Variants in ACSS3 observed in about 807,000 individuals in gnomAD.
ACSS3 encodes acyl-CoA synthetase short-chain family member 3, mitochondrial.
In ACSS3, 64 loss-of-function variants were observed where a neutral mutation model predicts 84.2. The observed-to-expected ratio is 0.76, with a 90% CI of 0.62 to 0.94. The LOEUF is 0.94. Among genes scored for constraint, ACSS3 ranks in the 40% least tolerant of loss-of-function variants. ACSS3 has a pLI of 0.00. For missense variants in ACSS3, 815 were observed against 867.6 expected (o/e 0.94, Z 0.76); for synonymous variants, 317 against 310.1 (o/e 1.02, Z -0.23).
chr12:81,184,350 CAAAT>C (rs2031126399), intron 8 of ACSS3, among the ~76,000 whole-genome samples: 1 of 151,718 alleles, frequency 6.6e-6, no homozygotes, highest in Non-Finnish European at 1.5e-5. Context: ...AGAAAGACCC[CAAAT>C]AAATATTCTA....
intron 10 of ACSS3, among the ~76,000 whole-genome samples, chr12:81,219,707 T>C (rs2033038325): frequency 6.6e-6 from 1 of 152,134 alleles, no homozygotes; most frequent in African/African-American, 2.4e-5. Context: ...TTTTTAATGC[T>C]TCTAATAGAT....
chr12:81,121,626 A>C (rs2121544911), intron 2 of ACSS3, among the ~76,000 whole-genome samples: 1 of 152,230 alleles, frequency 6.6e-6, no homozygotes, highest in African/African-American at 2.4e-5. Context: ...CACAAAGCTA[A>C]TCAAGCTCAA....
chr12:81,141,260 T>C (rs1886079146), intron 4 of ACSS3, among the ~76,000 whole-genome samples: 1 of 152,228 alleles, frequency 6.6e-6, no homozygotes, highest in African/African-American at 2.4e-5. Flanking sequence ...TAGAAATCTC[T>C]TGTTCTTTCT....
At position 81,133,607 on chromosome 12, in the gene ACSS3, T is replaced by C. The variant is rs1187181762; in HGVS notation, c.457-1209T>C. 3.3e-5 allele frequency among the ~76,000 whole-genome samples: 5 copies of C among 152,252 alleles called. No homozygotes were observed. In the East Asian group the frequency reaches 9.7e-4, roughly 29 times the overall value. On this transcript the variant is annotated intron_variant, in intron 2 of 15. Coordinates refer to ENST00000548058, the MANE Select transcript of ACSS3 (RefSeq NM_024560.4). ...CATGTCTTACAAAACTGTTGCTTTC[T>C]TAGTGAGCTCCCGGTGAGAATTACA... is the stretch of plus-strand genomic sequence containing the variant.
intron 13 of ACSS3, among the ~76,000 whole-genome samples, chr12:81,251,414 C>T (rs142298752): frequency 1.3e-5 from 2 of 152,112 alleles, no homozygotes; most frequent in Admixed American, 1.3e-4. Context: ...TCATCAGTTA[C>T]AACAAATGTA....
chr12:81,143,144 G>T lies in ACSS3; in HGVS notation c.818G>T (p.Trp273Leu), dbSNP rs769307140. ...TTGGCTCCCGGTCGTGACCTTGATT[G>T]GGATGAAGAGATGGCAAAAGCCCAG... ...VPLAPGRDLD[W>L]DEEMAKAQSH... The change falls in exon 5 of 16, where the codon TGG becomes TTG. Residue 273 changes from tryptophan (W) to leucine (L), a missense_variant. Physicochemically the swap from Trp to Leu is moderately conservative, Grantham distance 61. Coordinates refer to ENST00000548058, the MANE Select transcript of ACSS3 (RefSeq NM_024560.4). 1.2e-6 allele frequency: 2 copies of T among 1,613,578 alleles called. No homozygotes were observed. The highest frequency in any genetic ancestry group is 1.7e-6 in the Non-Finnish European group (2 of 1,179,720).
Position 81,139,203 on chromosome 12 carries a change from G to A in ACSS3, c.718G>A (p.Glu240Lys), listed in dbSNP as rs2121575826. 1 of 1,613,958 alleles carries A rather than the reference G, an allele frequency of 6.2e-7. No homozygotes were observed. ...RRVEYVPLVE[E>K]ALKIGQHKPD... is the part of the protein sequence containing the mutation. Reference sequence around the variant, plus strand: ...GGTAGAGTACGTACCACTTGTAGAAGAAGCGCTAAAAATAGGACAACACAA... The same window carrying A: ...GGTAGAGTACGTACCACTTGTAGAAAAAGCGCTAAAAATAGGACAACACAA... The change falls in exon 4 of 16, where the codon GAA (glutamate) becomes AAA (lysine). Residue 240 changes from glutamate (E) to lysine (K), a missense_variant. Physicochemically the swap from Glu to Lys is moderately conservative, Grantham distance 56. Transcript: ENST00000548058.
At chr12:81,127,839 T>C (rs910812007) in intron 2 of ACSS3, among the ~76,000 whole-genome samples, 4 of 152,178 alleles carry the variant, frequency 2.6e-5, no homozygotes, top group Admixed American at 2.6e-4. Context: ...TTGCTATTTG[T>C]GAAGCAAGTG....
In ACSS3 at chr12:81,081,200, A is replaced by G. The variant is rs113520103; in HGVS notation, c.311+2769A>G. On this transcript the variant is annotated intron_variant, in intron 1 of 15. Coordinates refer to ENST00000548058, the MANE Select transcript of ACSS3 (RefSeq NM_024560.4). ...TGCATATTAGCTTTCACAATGACAT[A>G]AGCTGTGCAATATTCTATGCATGCA... Among the ~76,000 whole-genome samples the G allele has an allele frequency of 5.2e-3, 787 of 152,336 alleles. 4 individuals are homozygous for G. Among genetic ancestry groups the G allele is most frequent in the African/African-American group, 0.014 (571 of 41,578 alleles).
At chr12:81,199,928 T>A (rs2032025191) in intron 9 of ACSS3, 1 of 265,630 alleles carries the variant, frequency 3.8e-6, no homozygotes, top group African/African-American at 2.3e-5. Flanking sequence ...TAGGACTCTC[T>A]GGCCACCTTC....
At chr12:81,123,400 C>T (rs576116917) in intron 2 of ACSS3, among the ~76,000 whole-genome samples, 94 of 152,220 alleles carry the variant, frequency 6.2e-4, no homozygotes, top group African/African-American at 2.1e-3. Flanking sequence ...TTAAACCTCT[C>T]GTATTCTTAT....
At chr12:81,219,739 C>T (rs111795022) in intron 10 of ACSS3, among the ~76,000 whole-genome samples, 37 of 151,976 alleles carry the variant, frequency 2.4e-4, no homozygotes, top group African/African-American at 8.7e-4. Flanking sequence ...ATTTAGTGGA[C>T]ATAGACATAG....
chr12:81,186,511 G>A (rs772680056), intron 8 of ACSS3, among the ~76,000 whole-genome samples: 1 of 151,660 alleles, frequency 6.6e-6, no homozygotes, highest in Admixed American at 6.6e-5. Context: ...CAGTTCAATC[G>A]TGGAAAAACT....
intron 4 of ACSS3, among the ~76,000 whole-genome samples, chr12:81,140,900 T>G (rs1348710303): frequency 6.6e-6 from 1 of 152,186 alleles, no homozygotes; most frequent in Non-Finnish European, 1.5e-5. Flanking sequence ...CTAGGCCCAA[T>G]GCTAAGTACT....
At chr12:81,251,730 C>CTGT (rs905532333) in intron 13 of ACSS3, among the ~76,000 whole-genome samples, 2 of 151,046 alleles carry the variant, frequency 1.3e-5, no homozygotes, top group African/African-American at 4.9e-5. Flanking sequence ...GTAGAACCAG[C>CTGT]TGTTGAAGAG....
At chr12:81,233,127 A>C (rs959973358) in intron 12 of ACSS3, among the ~76,000 whole-genome samples, 1 of 151,822 alleles carries the variant, frequency 6.6e-6, no homozygotes, top group Admixed American at 6.6e-5. Context: ...ACACTTAAAC[A>C]TTTCTAAAAA....
intron 7 of ACSS3, among the ~76,000 whole-genome samples, chr12:81,155,767 C>T (rs1593137266): frequency 6.6e-6 from 1 of 152,254 alleles, no homozygotes; most frequent in East Asian, 1.9e-4. Flanking sequence ...GTTTTGGCTT[C>T]TGATATGATG....
intron 9 of ACSS3, among the ~76,000 whole-genome samples, chr12:81,215,953 A>T (rs1227902577): frequency 6.6e-6 from 1 of 152,076 alleles, no homozygotes; most frequent in Non-Finnish European, 1.5e-5. Context: ...GGTTTTGATG[A>T]AATAGTCAGC....
At chr12:81,116,372 A>G (rs950733144) in intron 2 of ACSS3, among the ~76,000 whole-genome samples, 5 of 152,258 alleles carry the variant, frequency 3.3e-5, no homozygotes, top group Non-Finnish European at 7.4e-5. Context: ...ATTCACAATT[A>G]TAAGTGTCTA....
Sources: allele counts gnomAD v4.1 joint callset (sites outside exome capture counted in the v4.1 genomes callset), GRCh38; gene constraint gnomAD v4.1.1; transcripts MANE v1.5; gene names NCBI Gene and HGNC (gene_info 2026-07-23, HGNC 2026-07-21).